Variants in ADCY10 observed in about 807,000 individuals in gnomAD.
The protein encoded by ADCY10 is adenylate cyclase 10.
A neutral mutation model predicts 183.3 loss-of-function variants in ADCY10; 156 were observed. That is an observed-to-expected ratio of 0.85 (90% CI 0.75 to 0.97). The LOEUF (loss-of-function observed/expected upper bound fraction) is 0.97, where lower values mean the gene tolerates loss of function less well. Ranked by LOEUF, ADCY10 falls within the 50% of genes least tolerant of loss-of-function variation. The pLI is 0.00. For missense variants in ADCY10, 1,745 were observed against 1,934.3 expected, an observed-to-expected ratio of 0.90 and a Z score of 1.84; for synonymous variants, 645 against 670.0, an observed-to-expected ratio of 0.96 and a Z score of 0.58.
At chr1:167,860,847 A>T in intron 15 of ADCY10, 24 bp downstream of exon 15, 1 of 1,605,164 alleles carries the variant, frequency 6.2e-7, no homozygotes. Context: ...CTATTTGTGC[A>T]GAAGTATAAT....
intron 1 of ADCY10, among the ~76,000 whole-genome samples, chr1:167,912,440 C>A (rs548907586): frequency 3.9e-5 from 6 of 152,326 alleles, no homozygotes; most frequent in African/African-American, 1.4e-4. Context: ...TGTAGAACAT[C>A]ATGGCACCCT....
intron 14 of ADCY10, among the ~76,000 whole-genome samples, 193 bp from the exon 15 acceptor site, chr1:167,861,256 T>C (rs1198438027): frequency 6.6e-6 from 1 of 152,172 alleles, no homozygotes; most frequent in Non-Finnish European, 1.5e-5. Context: ...CCCTGATTAA[T>C]TTAACCTAGC....
chr1:167,862,301 AG>A (rs1282971032), intron 14 of ADCY10, among the ~76,000 whole-genome samples: 2 of 152,232 alleles, frequency 1.3e-5, no homozygotes, highest in Non-Finnish European at 2.9e-5. Context: ...ATCATGCTAG[AG>A]TAGGGTAGGC....
chr1:167,825,493 C>T (rs1663214953), intron 26 of ADCY10, among the ~76,000 whole-genome samples: 1 of 151,938 alleles, frequency 6.6e-6, no homozygotes, highest in Non-Finnish European at 1.5e-5. Context: ...TCAACAACAA[C>T]AAAAACTAGC....
intron 18 of ADCY10, 133 bp from the exon 19 acceptor site, chr1:167,848,622 C>A (rs956941100): frequency 9.9e-6 from 10 of 1,012,784 alleles, no homozygotes; most frequent in Non-Finnish European, 1.3e-5. Context: ...ACCAAATATT[C>A]TGGAAACCTT....
intron 9 of ADCY10, 117 bp from the exon 10 acceptor site, chr1:167,880,726 A>G (rs1571387835): frequency 2.6e-6 from 2 of 761,854 alleles, no homozygotes; most frequent in South Asian, 1.4e-5. Flanking sequence ...AGATTTTATC[A>G]TGATTTCTCT....
intron 26 of ADCY10, among the ~76,000 whole-genome samples, chr1:167,826,583 A>G (rs1663308361): frequency 6.6e-6 from 1 of 152,188 alleles, no homozygotes; most frequent in Middle Eastern, 3.2e-3. Context: ...CACAATTCTT[A>G]GGATATAGCT....
intron 31 of ADCY10, among the ~76,000 whole-genome samples, chr1:167,816,360 A>T (rs1331444521): frequency 6.6e-6 from 1 of 152,168 alleles, no homozygotes; most frequent in Non-Finnish European, 1.5e-5. Context: ...AGACTGGCCA[A>T]CATGGTGAAA....
intron 25 of ADCY10, among the ~76,000 whole-genome samples, chr1:167,831,382 C>A (rs978905761): frequency 5.8e-4 from 88 of 152,142 alleles, no homozygotes; most frequent in African/African-American, 2.1e-3. Context: ...TTAGTAGAGA[C>A]GGGATTTCAC....
At chr1:167,844,140 AC>A (rs1435015277) in intron 21 of ADCY10, among the ~76,000 whole-genome samples, 1 of 152,220 alleles carries the variant, frequency 6.6e-6, no homozygotes, top group Admixed American at 6.5e-5. Context: ...AATATAACAA[AC>A]AAGAGAGAAT....
At chr1:167,861,706 G>A (rs16859859) in intron 14 of ADCY10, among the ~76,000 whole-genome samples, 4,610 of 152,102 alleles carry the variant, frequency 0.03, 233 homozygotes, top group African/African-American at 0.11. Context: ...TGACTCTATC[G>A]TTGCCCTCAC....
In ADCY10 at chr1:167,822,161, G is replaced by A; in HGVS notation, c.4169-20C>T. 6.9e-7 allele frequency: 1 copy of A among 1,444,304 alleles called. No homozygotes were observed. Among genetic ancestry groups the A allele is most frequent in the Non-Finnish European group, 9.8e-7 (1 of 1,025,276 alleles). The allele number at this position is 1,444,304 out of a possible 1,614,324, so 89.5% of individuals were successfully genotyped here. A position where few individuals can be genotyped will look rare whatever the true frequency, so the allele number is the denominator to read the frequency against. On this transcript the variant is annotated intron_variant, in intron 29 of 32. Coordinates refer to ENST00000367851, the MANE Select transcript of ADCY10 (RefSeq NM_018417.6). ...CAAAACCTAAGAGAGAGAGGAATGG[G>A]TGAGAGTTATTAGTAGGTGTGGGTG... is the stretch of plus-strand genomic sequence containing the variant.
intron 21 of ADCY10, among the ~76,000 whole-genome samples, chr1:167,843,068 A>G (rs1664772193): frequency 6.6e-6 from 1 of 152,208 alleles, no homozygotes; most frequent in Admixed American, 6.5e-5. Context: ...GAGAAATAGT[A>G]GAGCTGTGGC....
At chr1:167,849,078 C>A (rs781423251) in intron 18 of ADCY10, among the ~76,000 whole-genome samples, 1 of 152,060 alleles carries the variant, frequency 6.6e-6, no homozygotes, top group Non-Finnish European at 1.5e-5. Context: ...TAAGGCTTTA[C>A]AAACGTTTGA....
In ADCY10 at chr1:167,880,534, C is replaced by G; in HGVS notation, c.1096G>C (p.Ala366Pro). ...GAGCAGAAGTCAAATATATCCATAG[C>G]ACATTCCAGAGCATGAGTGAGCTCG... is the stretch of plus-strand genomic sequence containing the variant. ...PDELTHALEC[A>P]MDIFDFCSQV... The change falls in exon 10 of 33, where the codon GCT (alanine) becomes CCT (proline). Residue 366 changes from alanine to proline, a missense_variant. Coordinates refer to ENST00000367851, the MANE Select transcript of ADCY10 (RefSeq NM_018417.6). 1.2e-6 allele frequency: 2 copies of G among 1,614,158 alleles called. No homozygotes were observed. The highest frequency in any genetic ancestry group is 1.7e-6 in the Non-Finnish European group (2 of 1,180,024).
intron 9 of ADCY10, among the ~76,000 whole-genome samples, chr1:167,881,908 C>T (rs958444124): frequency 6.6e-6 from 1 of 152,180 alleles, no homozygotes; most frequent in Non-Finnish European, 1.5e-5. Flanking sequence ...TAATCCCTTT[C>T]CAGAACTCCC....
At position 167,870,237 on chromosome 1, in the gene ADCY10, A is replaced by T; in HGVS notation, c.1616+20T>A. 1 of 1,613,936 alleles carries T rather than the reference A, an allele frequency of 6.2e-7. No homozygotes were observed. Among genetic ancestry groups the T allele is most frequent in the Non-Finnish European group, 8.5e-7 (1 of 1,179,902 alleles). ...AGGATTCTATGGGTTCACACAGAAC[A>T]ATCATTCCAAGACACTCACCTGTGA... On this transcript the variant is annotated intron_variant, in intron 14 of 32. Coordinates refer to ENST00000367851, the MANE Select transcript of ADCY10 (RefSeq NM_018417.6).
rs1245589773 is a variant in ADCY10 at position 167,823,050 on chromosome 1, C to T, written c.4126G>A (p.Ala1376Thr). 1 of 1,613,994 alleles carries T rather than the reference C, an allele frequency of 6.2e-7. No homozygotes were observed. The highest frequency in any genetic ancestry group is 8.5e-7 in the Non-Finnish European group (1 of 1,180,030). ...TCCAAGCAGACAAAATAGAAAAATGCCTTGCTGAAGATGTGTTCCTGTGTT... is the reference window on the plus strand; with the variant it reads ...TCCAAGCAGACAAAATAGAAAAATGTCTTGCTGAAGATGTGTTCCTGTGTT... ...SVTQEHIFSK[A>T]FFYFVCLDIL... The change falls in exon 29 of 33, where the codon GCA becomes ACA. Residue 1376 changes from alanine (A) to threonine (T), a missense_variant. Ala to Thr is a moderately conservative substitution (Grantham distance 58). Coordinates refer to ENST00000367851, the MANE Select transcript of ADCY10 (RefSeq NM_018417.6).
chr1:167,900,829 G>A (rs577316498), intron 5 of ADCY10, among the ~76,000 whole-genome samples: 12 of 152,318 alleles, frequency 7.9e-5, no homozygotes, highest in African/African-American at 2.9e-4. Context: ...ACTGCACCTG[G>A]CCTTATTTGG....
Sources: gnomAD v4.1 joint callset for allele counts (sites outside exome capture counted in the v4.1 genomes callset) on GRCh38, gnomAD v4.1.1 for gene constraint, MANE v1.5 for transcripts, NCBI Gene and HGNC (gene_info 2026-07-23, HGNC 2026-07-21) for gene names.